Variants in NKAIN2 observed in about 807,000 individuals in gnomAD.
NKAIN2 encodes the protein sodium/potassium-transporting ATPase subunit beta-1-interacting protein 2.
Under a neutral mutation model 32.6 loss-of-function variants are expected in NKAIN2, and 14 were observed. The ratio of observed to expected loss-of-function variants is 0.43; its 90% CI spans 0.28 to 0.67. NKAIN2 has a LOEUF of 0.67. Ranked by LOEUF, NKAIN2 falls within the 30% of genes least tolerant of loss-of-function variation. NKAIN2 has a pLI of 0.17. For synonymous variants in NKAIN2, 80 were observed against 87.2 expected (o/e 0.92, Z 0.46); for missense variants, 198 against 258.3 (o/e 0.77, Z 1.60).
At chr6:124,298,574 T>C (rs1056050197) in intron 2 of NKAIN2, among the ~76,000 whole-genome samples, 1 of 152,146 alleles carries the variant, frequency 6.6e-6, no homozygotes, top group East Asian at 1.9e-4. Flanking sequence ...GGATTATTTT[T>C]GTGGGTTATT....
chr6:124,025,697 A>G (rs1318915635), intron 1 of NKAIN2, among the ~76,000 whole-genome samples: 5 of 152,226 alleles, frequency 3.3e-5, no homozygotes, highest in Non-Finnish European at 7.3e-5. Context: ...TCTTACCACA[A>G]TAGACGTAAG....
chr6:123,899,653 G>T (rs1217263118), intron 1 of NKAIN2, among the ~76,000 whole-genome samples: 2 of 152,186 alleles, frequency 1.3e-5, no homozygotes, highest in African/African-American at 4.8e-5. Flanking sequence ...TCTGTCTCAT[G>T]ATGTAAGCAG....
At chr6:123,843,154 T>TA (rs1393135958) in intron 1 of NKAIN2, among the ~76,000 whole-genome samples, 2 of 152,186 alleles carry the variant, frequency 1.3e-5, no homozygotes, top group Non-Finnish European at 2.9e-5. Context: ...GCTTAAGCGT[T>TA]AAACACTCAG....
intron 4 of NKAIN2, among the ~76,000 whole-genome samples, chr6:124,767,990 A>T (rs1778585317): frequency 6.6e-6 from 1 of 152,218 alleles, no homozygotes; most frequent in Admixed American, 6.5e-5. Context: ...TCATGTGACA[A>T]TGGCTTTATA....
chr6:124,588,075 T>A (rs1014430026), intron 3 of NKAIN2, among the ~76,000 whole-genome samples: 1 of 152,202 alleles, frequency 6.6e-6, no homozygotes, highest in African/African-American at 2.4e-5. Context: ...TAGGTTCCGC[T>A]GCAATATTCA....
intron 1 of NKAIN2, among the ~76,000 whole-genome samples, chr6:124,250,835 G>A (rs1391320117): frequency 2.0e-5 from 3 of 151,940 alleles, no homozygotes; most frequent in Non-Finnish European, 4.4e-5. Flanking sequence ...AATTCATAAC[G>A]ATGAAAAGAG....
chr6:124,124,471 G>A (rs1273431061), intron 1 of NKAIN2, among the ~76,000 whole-genome samples: 1 of 152,080 alleles, frequency 6.6e-6, no homozygotes, highest in Admixed American at 6.6e-5. Context: ...TAGTCCTGCA[G>A]ATTAATATAG....
intron 1 of NKAIN2, among the ~76,000 whole-genome samples, chr6:124,040,475 A>T (rs532667110): frequency 6.6e-6 from 1 of 152,076 alleles, no homozygotes; most frequent in East Asian, 1.9e-4. Flanking sequence ...AGATTGTAGT[A>T]TTCTATTTCC....
At chr6:124,215,075 T>C (rs1466432467) in intron 1 of NKAIN2, among the ~76,000 whole-genome samples, 2 of 152,110 alleles carry the variant, frequency 1.3e-5, no homozygotes, top group African/African-American at 2.4e-5. Flanking sequence ...TATGGAAATA[T>C]TTTCATGACA....
At chr6:124,608,422 G>A (rs1006174182) in intron 3 of NKAIN2, among the ~76,000 whole-genome samples, 19 of 152,112 alleles carry the variant, frequency 1.2e-4, no homozygotes, top group African/African-American at 4.6e-4. Flanking sequence ...TATTTGGAGG[G>A]AGGGAGGTAT....
At chr6:124,588,496 A>G (rs1393133441) in intron 3 of NKAIN2, among the ~76,000 whole-genome samples, 1 of 152,098 alleles carries the variant, frequency 6.6e-6, no homozygotes, top group Non-Finnish European at 1.5e-5. Context: ...TGGATTCACT[A>G]TTTTTGAATT....
At chr6:124,768,869 G>T (rs564246935) in intron 4 of NKAIN2, among the ~76,000 whole-genome samples, 1 of 152,212 alleles carries the variant, frequency 6.6e-6, no homozygotes, top group East Asian at 1.9e-4. Context: ...AAATATTGAT[G>T]CAAACACCAT....
intron 1 of NKAIN2, among the ~76,000 whole-genome samples, chr6:123,998,236 T>C (rs1304839321): frequency 6.6e-6 from 1 of 152,198 alleles, no homozygotes; most frequent in African/African-American, 2.4e-5. Context: ...CAGTTATATA[T>C]TCTTTTTTTA....
At chr6:124,101,821 A>G (rs1354641597) in intron 1 of NKAIN2, among the ~76,000 whole-genome samples, 1 of 152,194 alleles carries the variant, frequency 6.6e-6, no homozygotes, top group African/African-American at 2.4e-5. Flanking sequence ...TGAGCCCTCA[A>G]GCACAGAAAC....
chr6:124,444,727 C>A (rs1454123422), intron 3 of NKAIN2, among the ~76,000 whole-genome samples: 2 of 151,800 alleles, frequency 1.3e-5, no homozygotes, highest in African/African-American at 4.8e-5. Context: ...ATCTCCTGAT[C>A]TTTTTTTATG....
intron 4 of NKAIN2, among the ~76,000 whole-genome samples, chr6:124,676,290 A>G (rs1267236460): frequency 2.6e-5 from 4 of 152,126 alleles, no homozygotes; most frequent in African/African-American, 4.8e-5. Flanking sequence ...AGAAGAATGT[A>G]TATTCTGCTG....
intron 4 of NKAIN2, among the ~76,000 whole-genome samples, chr6:124,712,419 C>T (rs1390678009): frequency 3.5e-5 from 4 of 115,886 alleles, no homozygotes. Flanking sequence ...CCCCCAGGCT[C>T]GCTGCCGCCT....
chr6:124,602,544 T>TG (rs1285540017), intron 3 of NKAIN2, among the ~76,000 whole-genome samples: 3 of 151,680 alleles, frequency 2.0e-5, no homozygotes, highest in South Asian at 2.1e-4. Flanking sequence ...AAATTGTGGA[T>TG]GGGGGGACAA....
rs1215061152 is a variant in NKAIN2 at position 124,777,319 on chromosome 6, G to A, written c.475-14020G>A. Among the ~76,000 whole-genome samples the A allele has an allele frequency of 4.6e-5, 7 of 152,234 alleles. No homozygotes were observed. The East Asian group carries it at 1.4e-3, about 29-fold the overall frequency. ...GCCTTTTACATCCTGAGCTTGACTG[G>A]CAGACAGTAGAGTGGTTAAGAACAT... On this transcript the variant is annotated intron_variant, in intron 4 of 6. Coordinates refer to ENST00000368417, the MANE Select transcript of NKAIN2 (RefSeq NM_001040214.3).
Sources: gnomAD v4.1 joint callset for allele counts (sites outside exome capture counted in the v4.1 genomes callset) on GRCh38, gnomAD v4.1.1 for gene constraint, MANE v1.5 for transcripts, NCBI Gene and HGNC (gene_info 2026-07-23, HGNC 2026-07-21) for gene names.